The following SUPT20H variants were observed in gnomAD, a reference collection of about 807,000 sequenced individuals.
The protein encoded by SUPT20H is transcription factor SPT20 homolog.
In SUPT20H, 82 loss-of-function variants were observed where a neutral mutation model predicts 122.8. The observed-to-expected ratio is 0.67, with a 90% CI of 0.56 to 0.80. The LOEUF (loss-of-function observed/expected upper bound fraction) is 0.80. Among genes scored for constraint, SUPT20H ranks in the 30% least tolerant of loss-of-function variants. SUPT20H has a pLI of 0.00. For missense variants in SUPT20H, 831 were observed against 921.6 expected, an observed-to-expected ratio of 0.90 and a Z score of 1.27; for synonymous variants, 291 against 313.0, an observed-to-expected ratio of 0.93 and a Z score of 0.74.
intron 11 of SUPT20H, 56 bp downstream of exon 11, chr13:37,031,683 C>T: frequency 5.2e-6 from 8 of 1,539,478 alleles, no homozygotes; most frequent in South Asian, 5.1e-5. Context: ...ACTGAAAATG[C>T]TAAATAAGAC....
At chr13:37,054,343 G>A (rs1293552065) in intron 1 of SUPT20H, among the ~76,000 whole-genome samples, 1 of 152,148 alleles carries the variant, frequency 6.6e-6, no homozygotes, top group African/African-American at 2.4e-5. Context: ...CAATATCCCT[G>A]ATGAACATCG....
chr13:37,031,585 G>A lies in SUPT20H; in HGVS notation c.903C>T (p.Ala301=). 6.4e-7 allele frequency: 1 copy of A among 1,561,696 alleles called. No individual in the cohort carries two copies. Among genetic ancestry groups the A allele is most frequent in the Non-Finnish European group, 8.6e-7 (1 of 1,163,068 alleles). The part of the protein sequence containing the change: ...DMWKRSPCNL[A]IPSEVDVEKY... ...GACTTACATCTACTTCAGAAGGTATGGCCAAATTACAGGGACTCCGTTTCC... is the reference window on the plus strand; with the variant it reads ...GACTTACATCTACTTCAGAAGGTATAGCCAAATTACAGGGACTCCGTTTCC... Residue 301 remains alanine, a synonymous_variant, in exon 12 of 26, where the codon GCC becomes GCT. Transcript: ENST00000350612.
chr13:37,034,552 G>C (rs372521718), intron 9 of SUPT20H, among the ~76,000 whole-genome samples: 14 of 152,316 alleles, frequency 9.2e-5, no homozygotes, highest in African/African-American at 3.4e-4. Flanking sequence ...GGTTCATGAG[G>C]GTTAAGAGTA....
chr13:37,022,296 G>C lies in SUPT20H; in HGVS notation c.1592-216C>G. ...CGATGAAGGGGTTGGTGTAGGAGTA[G>C]ATGGCTTAGGAGTTCCAGATCCTGC... On this transcript the variant is annotated intron_variant, in intron 19 of 25. Transcript: ENST00000350612. This position sits in a 1 kb window ranked among gnomAD's most constrained non-coding sequence, Gnocchi z 4.5. 7.1e-7 allele frequency: 1 copy of C among 1,409,362 alleles called. No individual in the cohort carries two copies. Among genetic ancestry groups the C allele is most frequent in the Non-Finnish European group, 9.3e-7 (1 of 1,077,326 alleles). The allele number at this position is 1,409,362 out of a possible 1,614,324, so 87.3% of individuals were successfully genotyped here. A position where few individuals can be genotyped will look rare whatever the true frequency, so the allele number is the denominator to read the frequency against.
At chr13:37,021,929 T>G in intron 20 of SUPT20H, 82 bp downstream of exon 20, 1 of 1,456,552 alleles carries the variant, frequency 6.9e-7, no homozygotes. Context: ...CGGTTTGTTC[T>G]TAATTTCACA....
rs191636040 is a variant in SUPT20H at position 37,024,465 on chromosome 13, T to C, written c.1330-23A>G. The C allele has an allele frequency of 2.0e-6, 3 of 1,469,848 alleles. No individual in the cohort carries two copies. The Admixed American group carries it at 7.3e-5, about 36-fold the overall frequency. The allele number at this position is 1,469,848 out of a possible 1,614,324, so 91.1% of individuals were successfully genotyped here. Reference sequence around the variant, plus strand: ...TTGCTAAAAGACAATGACATTAAGCTTACTTGTTAAAATTAATACTGCTAT... The same window carrying C: ...TTGCTAAAAGACAATGACATTAAGCCTACTTGTTAAAATTAATACTGCTAT... On this transcript the variant is annotated intron_variant, in intron 17 of 25. Transcript: ENST00000350612.
chr13:37,028,822 T>C (rs747764378), intron 13 of SUPT20H, among the ~76,000 whole-genome samples: 2 of 151,598 alleles, frequency 1.3e-5, no homozygotes, highest in Non-Finnish European at 2.9e-5. Context: ...GCCGTGCCTG[T>C]TTATGCTCAG....
chr13:37,026,641 T>C (rs1178183852), intron 15 of SUPT20H, 149 bp downstream of exon 15: 1 of 509,438 alleles, frequency 2.0e-6, no homozygotes. Context: ...TTACTATTAA[T>C]GTCTACATAA....
intron 1 of SUPT20H, among the ~76,000 whole-genome samples, chr13:37,058,718 ACT>A (rs1225906758): frequency 6.6e-5 from 10 of 152,134 alleles, no homozygotes; most frequent in Non-Finnish European, 1.3e-4. Context: ...AGAATTCAGA[ACT>A]CTGTGTCCAA....
chr13:37,038,011 A>T (rs2064806730), intron 9 of SUPT20H: 1 of 150,102 alleles, frequency 6.7e-6, no homozygotes, highest in Admixed American at 6.6e-5. Context: ...AGTTACAACT[A>T]GTGGCTTGAT....
intron 16 of SUPT20H, 70 bp from the exon 17 acceptor site, chr13:37,025,507 A>C: frequency 9.5e-7 from 1 of 1,054,274 alleles, no homozygotes; most frequent in Non-Finnish European, 1.4e-6. Flanking sequence ...TTTATAGGAA[A>C]GAATAATGAC....
intron 1 of SUPT20H, among the ~76,000 whole-genome samples, chr13:37,054,799 T>G (rs1281662482): frequency 5.9e-5 from 9 of 152,296 alleles, no homozygotes; most frequent in Admixed American, 4.6e-4. Flanking sequence ...ATAAAGGGTA[T>G]TCAATTAGGA....
chr13:37,020,569 G>T (rs1021402905), intron 21 of SUPT20H, among the ~76,000 whole-genome samples: 4 of 152,102 alleles, frequency 2.6e-5, no homozygotes, highest in African/African-American at 9.7e-5. Context: ...CTAAGTTCAA[G>T]ATGTGAAGTC....
At chr13:37,026,295 AGGCTTGG>A (rs2062260014) in intron 15 of SUPT20H, 59 bp from the exon 16 acceptor site, 3 of 1,211,558 alleles carry the variant, frequency 2.5e-6, no homozygotes, top group Non-Finnish European at 3.3e-6. Context: ...TGTCTTAAGA[AGGCTTGG>A]GATTACTTTT....
intron 7 of SUPT20H, among the ~76,000 whole-genome samples, chr13:37,043,583 C>G (rs967752471): frequency 6.6e-6 from 1 of 152,112 alleles, no homozygotes; most frequent in African/African-American, 2.4e-5. Flanking sequence ...TCAGTATACC[C>G]TAAAGGTTAA....
chr13:37,034,051 C>G (rs2063900720), intron 9 of SUPT20H, among the ~76,000 whole-genome samples: 1 of 152,202 alleles, frequency 6.6e-6, no homozygotes, highest in African/African-American at 2.4e-5. Flanking sequence ...CACCGATCCA[C>G]CACTCCCCAG....
rs1219966379 is a variant in SUPT20H, at chr13:37,031,442, A to G, written c.921+125T>C. 4 of 512,404 alleles carry G rather than the reference A, an allele frequency of 7.8e-6. No individual in the cohort carries two copies. In the East Asian group the frequency reaches 1.3e-4, roughly 17 times the overall value. The allele number at this position is 512,404 out of a possible 1,614,324, so 31.7% of individuals were successfully genotyped here. On this transcript the variant is annotated intron_variant, in intron 12 of 25. Transcript: ENST00000350612. ...CATATTGTTTTTAAAAAACTTGTTT[A>G]GAGTATGATCTAAATCACTTTGTTT...
At chr13:37,026,696 CT>C (rs1594112775) in intron 15 of SUPT20H, 93 bp downstream of exon 15, 1 of 732,964 alleles carries the variant, frequency 1.4e-6, no homozygotes. Flanking sequence ...ATATTTATCA[CT>C]GATTCAAATA....
intron 19 of SUPT20H, among the ~76,000 whole-genome samples, chr13:37,023,263 T>A (rs1318007471): frequency 6.6e-6 from 1 of 152,170 alleles, no homozygotes; most frequent in African/African-American, 2.4e-5. Flanking sequence ...TTATATCTAA[T>A]GCGAAGACCA....
Sources: gnomAD v4.1 joint callset for allele counts (sites outside exome capture counted in the v4.1 genomes callset) on GRCh38, gnomAD v4.1.1 for gene constraint, Gnocchi (gnomAD v3.1) non-coding constraint, MANE v1.5 for transcripts, NCBI Gene and HGNC (gene_info 2026-07-23, HGNC 2026-07-21) for gene names.